ANKS6: variants seen among roughly 807,000 people sequenced by gnomAD.
ANKS6 encodes the protein ankyrin repeat and SAM domain-containing protein 6.
A neutral mutation model predicts 77.9 loss-of-function variants in ANKS6; 47 were observed. The observed-to-expected ratio is 0.60, with a 90% CI of 0.48 to 0.77. The LOEUF is 0.77. ANKS6 is among the 30% of genes least tolerant of loss of function. The pLI is 0.00. For missense variants in ANKS6, 1,150 were observed against 1,159.1 expected (o/e 0.99, Z 0.11); for synonymous variants, 488 against 501.7 (o/e 0.97, Z 0.37).
In ANKS6 at chr9:98,734,402, T is replaced by C. The variant is rs988451291; in HGVS notation, c.*2117A>G. ...CCTGAGTGGAAGCTATACCAGTATA[T>C]TGTTATGAAAAAAACAGGACCACAG... On this transcript the variant is annotated 3_prime_UTR_variant, in exon 15 of 15. Transcript: ENST00000353234. 8.1e-6 allele frequency: 8 copies of C among 985,304 alleles called. No homozygotes were observed. In the South Asian group the frequency reaches 1.4e-4, roughly 17 times the overall value. The allele number at this position is 985,304 out of a possible 1,614,324, so 61.0% of individuals were successfully genotyped here. A position where few individuals can be genotyped will look rare whatever the true frequency, so the allele number is the denominator to read the frequency against.
Position 98,747,010 on chromosome 9 carries a change from T to C in ANKS6, c.2395-1335A>G, listed in dbSNP as rs142952421. ...AATTCCCACTCACTGCCAGGGGACCTGGGCAGGTGCCTTACCTCAGTTTCC... is the reference window on the plus strand; with the variant it reads ...AATTCCCACTCACTGCCAGGGGACCCGGGCAGGTGCCTTACCTCAGTTTCC... On this transcript the variant is annotated intron_variant, in intron 13 of 14. Transcript: ENST00000353234. Among the ~76,000 whole-genome samples, 445 of 152,318 alleles carry C rather than the reference T, an allele frequency of 2.9e-3. 5 individuals carry two copies. Among genetic ancestry groups the C allele is most frequent in the Admixed American group, 0.022 (334 of 15,308 alleles).
At position 98,784,117 on chromosome 9, in the gene ANKS6, G is replaced by T; in HGVS notation, c.948C>A (p.Pro316=). ...QLVKEIADED[P]SHVNLVNGDG... is the part of the protein sequence containing the mutation. ...CCCCATTGACCAAGTTCACGTGGCT[G>T]GGGTCTTCATCGGCAATCTCTTTGA... is the stretch of plus-strand genomic sequence containing the variant. Residue 316 remains proline, a synonymous_variant, in exon 4 of 15, where the codon CCC becomes CCA. Coordinates refer to ENST00000353234, the MANE Select transcript of ANKS6 (RefSeq NM_173551.5). 1 of 1,568,188 alleles carries T rather than the reference G, an allele frequency of 6.4e-7. No individual in the cohort carries two copies. Among genetic ancestry groups the T allele is most frequent in the Non-Finnish European group, 8.7e-7 (1 of 1,151,866 alleles).
chr9:98,757,114 G>C (rs1410687890), intron 11 of ANKS6, among the ~76,000 whole-genome samples: 1 of 152,146 alleles, frequency 6.6e-6, no homozygotes, highest in Non-Finnish European at 1.5e-5. Context: ...ACGTATAGAA[G>C]AGCTGCACAG....
rs114023950 is a variant in ANKS6, at chr9:98,769,310, C to T, written c.1973-1060G>A. On this transcript the variant is annotated intron_variant, in intron 10 of 14. Transcript: ENST00000353234. ...CTGGAGGGCAAAACATATCAAAAACCTCAAAAATAGGCATACTCACAAACT... is the reference window on the plus strand; with the variant it reads ...CTGGAGGGCAAAACATATCAAAAACTTCAAAAATAGGCATACTCACAAACT... 8.9e-3 allele frequency among the ~76,000 whole-genome samples: 1,350 copies of T among 152,112 alleles called. 21 individuals are homozygous for T. The highest frequency in any genetic ancestry group is 0.031 in the African/African-American group (1,278 of 41,492).
At chr9:98,754,597 G>A (rs893342699) in intron 12 of ANKS6, among the ~76,000 whole-genome samples, 5 of 151,666 alleles carry the variant, frequency 3.3e-5, no homozygotes, top group East Asian at 3.9e-4. Context: ...AGCCGAGATC[G>A]CGCCACTGCA....
chr9:98,780,101 C>T, intron 6 of ANKS6, 88 bp downstream of exon 6: 2 of 1,564,446 alleles, frequency 1.3e-6, no homozygotes, highest in Non-Finnish European at 8.7e-7. Flanking sequence ...CTAGCATAAA[C>T]CAGCCTGGGT....
chr9:98,792,001 C>T (rs1256783584), intron 1 of ANKS6, among the ~76,000 whole-genome samples: 1 of 152,176 alleles, frequency 6.6e-6, no homozygotes, highest in Non-Finnish European at 1.5e-5. Flanking sequence ...GTCTCCCCGC[C>T]TCCAGTCTCG....
Position 98,778,414 on chromosome 9 carries a change from TTCCACCAGGACTG to T in ANKS6, c.1369-3_1378del. 1 of 1,613,840 alleles carries T rather than the reference TTCCACCAGGACTG, an allele frequency of 6.2e-7. No homozygotes were observed. The highest frequency in any genetic ancestry group is 8.5e-7 in the Non-Finnish European group (1 of 1,179,970). Reference sequence around the variant, plus strand: ...CTTTCGGAACCGATTGGACATTCGGTTCCACCAGGACTGCCAAAGGAACGCAGAGCAGAAGTCA... The same window carrying T: ...CTTTCGGAACCGATTGGACATTCGGTCCAAAGGAACGCAGAGCAGAAGTCA... On this transcript the variant is annotated splice_acceptor_variant and splice_polypyrimidine_tract_variant and coding_sequence_variant and intron_variant, in exon 7 of 15. Coordinates refer to ENST00000353234, the MANE Select transcript of ANKS6 (RefSeq NM_173551.5). LOFTEE classifies it high-confidence loss of function.
chr9:98,755,160 C>T (rs914781330), intron 12 of ANKS6, among the ~76,000 whole-genome samples: 5 of 152,208 alleles, frequency 3.3e-5, no homozygotes, highest in Non-Finnish European at 5.9e-5. Context: ...CATTTATCAA[C>T]TTAGTACAGA....
At chr9:98,780,450 T>C in intron 5 of ANKS6, 113 bp from the exon 6 acceptor site, 2 of 1,274,780 alleles carry the variant, frequency 1.6e-6, no homozygotes, top group Non-Finnish European at 2.1e-6. Context: ...CTCCAGGGTC[T>C]GTGTAATTCC....
chr9:98,776,165 C>T (rs1833907847), intron 8 of ANKS6, among the ~76,000 whole-genome samples: 1 of 152,166 alleles, frequency 6.6e-6, no homozygotes, highest in Admixed American at 6.5e-5. Context: ...CACCACGGAG[C>T]TTATTCTGGG....
rs1834419554 is a variant in ANKS6 at position 98,783,991 on chromosome 9, C to T, written c.1074G>A (p.Val358=). The change falls in exon 4 of 15, where the codon GTG becomes GTA. Residue 358 remains valine (V), a synonymous_variant. Coordinates refer to ENST00000353234, the MANE Select transcript of ANKS6 (RefSeq NM_173551.5). ...CCTGCATGAGGGCCGTCCAGCCATG[C>T]ACGCTGTCCTGCTTGTCAACATCCG... ...RHADVDKQDS[V]HGWTALMQAT... is the part of the protein sequence containing the mutation. The T allele has an allele frequency of 6.2e-7, 1 of 1,606,734 alleles. No individual in the cohort carries two copies. Among genetic ancestry groups the T allele is most frequent in the African/African-American group, 1.3e-5 (1 of 74,734 alleles).
intron 8 of ANKS6, among the ~76,000 whole-genome samples, chr9:98,777,010 A>T (rs1313953682): frequency 1.3e-5 from 2 of 152,184 alleles, no homozygotes; most frequent in Non-Finnish European, 2.9e-5. Context: ...ATCCTAATAC[A>T]TCTCTAAGTT....
chr9:98,781,955 G>A (rs1440043405), intron 5 of ANKS6, among the ~76,000 whole-genome samples: 1 of 152,190 alleles, frequency 6.6e-6, no homozygotes, highest in Non-Finnish European at 1.5e-5. Flanking sequence ...CACAGCAGGG[G>A]AGGGTCAAAG....
In ANKS6 at chr9:98,735,272, G is replaced by T; in HGVS notation, c.*1247C>A. Reference sequence around the variant, plus strand: ...CTCTACCATGCTGCCTCTCAATGTCGGGACCATCTATTTACAGGTGTTCTC... The same window carrying T: ...CTCTACCATGCTGCCTCTCAATGTCTGGACCATCTATTTACAGGTGTTCTC... On this transcript the variant is annotated 3_prime_UTR_variant, in exon 15 of 15. Transcript: ENST00000353234. The T allele has an allele frequency of 1.0e-6, 1 of 990,494 alleles. No individual in the cohort carries two copies. The highest frequency in any genetic ancestry group is 1.2e-6 in the Non-Finnish European group (1 of 833,552). The allele number at this position is 990,494 out of a possible 1,614,324, so 61.4% of individuals were successfully genotyped here. A position where few individuals can be genotyped will look rare whatever the true frequency, so the allele number is the denominator to read the frequency against.
Position 98,736,516 on chromosome 9 carries a change from G to A in ANKS6, c.*3C>T. The A allele has an allele frequency of 2.5e-6, 4 of 1,605,490 alleles. No homozygotes were observed. The highest frequency in any genetic ancestry group is 4.5e-5 in the East Asian group (2 of 44,632). On this transcript the variant is annotated 3_prime_UTR_variant, in exon 15 of 15. Transcript: ENST00000353234. ...CTCACGCTGGTGGCTGCGGGAAGGA[G>A]GATCACGCACAGGGGCTGTTGCCAG... is the stretch of plus-strand genomic sequence containing the variant.
At chr9:98,786,293 GTTTT>G in intron 2 of ANKS6, among the ~76,000 whole-genome samples, 1 of 129,712 alleles carries the variant, frequency 7.7e-6, no homozygotes, top group African/African-American at 2.8e-5. Context: ...CTCCAGAATT[GTTTT>G]TTTTTTTTTT....
chr9:98,771,143 T>C lies in ANKS6; in HGVS notation c.1822-97A>G, dbSNP rs969206029. On this transcript the variant is annotated intron_variant, in intron 9 of 14. Coordinates refer to ENST00000353234, the MANE Select transcript of ANKS6 (RefSeq NM_173551.5). ...GGGGTTCCTGTGCTCAGCTGGTGCATACCCCACCAAAGCTCGCTGTGCCCA... is the reference window on the plus strand; with the variant it reads ...GGGGTTCCTGTGCTCAGCTGGTGCACACCCCACCAAAGCTCGCTGTGCCCA... The C allele has an allele frequency of 7.6e-6, 10 of 1,307,728 alleles. 1 individual carries two copies. The highest frequency in any genetic ancestry group is 2.3e-5 in the South Asian group (1 of 43,126). The allele number at this position is 1,307,728 out of a possible 1,614,324, so 81.0% of individuals were successfully genotyped here.
chr9:98,767,797 G>C (rs1833383408), intron 11 of ANKS6, among the ~76,000 whole-genome samples: 1 of 152,226 alleles, frequency 6.6e-6, no homozygotes, highest in Non-Finnish European at 1.5e-5. Flanking sequence ...ACAAATGTGT[G>C]CAGTGTGAGG....
Sources: allele counts gnomAD v4.1 joint callset (sites outside exome capture counted in the v4.1 genomes callset), GRCh38; gene constraint gnomAD v4.1.1; transcripts MANE v1.5; gene names NCBI Gene and HGNC (gene_info 2026-07-23, HGNC 2026-07-21).